The following WDR70 variants were observed in gnomAD, a reference collection of about 807,000 sequenced individuals.
WDR70 encodes WD repeat-containing protein 70.
In WDR70, 53 loss-of-function variants were observed where a neutral mutation model predicts 88.6. The ratio of observed to expected loss-of-function variants is 0.60; its 90% CI spans 0.48 to 0.75. The LOEUF is 0.75. Ranked by LOEUF, WDR70 falls within the 30% of genes least tolerant of loss-of-function variation. The probability of loss-of-function intolerance (pLI) is 0.00; values close to 1 mark genes in which losing one functional copy is unlikely to be tolerated. For missense variants in WDR70, 610 were observed against 823.2 expected, an observed-to-expected ratio of 0.74 and a Z score of 3.17; for synonymous variants, 280 against 270.0, an observed-to-expected ratio of 1.04 and a Z score of -0.36.
intron 17 of WDR70, among the ~76,000 whole-genome samples, chr5:37,750,808 A>G (rs1471596998): frequency 6.6e-6 from 1 of 152,204 alleles, no homozygotes; most frequent in Non-Finnish European, 1.5e-5. Context: ...CTGTGAGTCC[A>G]TTAGACCTCT....
chr5:37,610,958 C>G (rs1470479204), intron 10 of WDR70, among the ~76,000 whole-genome samples: 1 of 152,098 alleles, frequency 6.6e-6, no homozygotes, highest in Admixed American at 6.5e-5. Flanking sequence ...TGAATCTTCT[C>G]TTTTAGAATC....
chr5:37,502,701 C>T (rs1358045612), intron 8 of WDR70, among the ~76,000 whole-genome samples: 2 of 152,164 alleles, frequency 1.3e-5, no homozygotes, highest in Admixed American at 6.5e-5. Flanking sequence ...GCATGCTGTA[C>T]AGGAAGCATG....
intron 10 of WDR70, among the ~76,000 whole-genome samples, chr5:37,606,826 C>A (rs371190961): frequency 3.4e-5 from 5 of 146,842 alleles, no homozygotes; most frequent in African/African-American, 1.3e-4. Context: ...AAAAGAAAAA[C>A]TTGCCAGCAG....
chr5:37,386,597 C>A (rs900014287), intron 3 of WDR70, among the ~76,000 whole-genome samples: 1 of 151,894 alleles, frequency 6.6e-6, no homozygotes, highest in Admixed American at 6.6e-5. Flanking sequence ...CAAAGTGAAG[C>A]TTTTTATTTT....
intron 10 of WDR70, among the ~76,000 whole-genome samples, chr5:37,684,593 C>T (rs945034076): frequency 6.6e-6 from 1 of 152,220 alleles, no homozygotes; most frequent in African/African-American, 2.4e-5. Context: ...GACTCCCGGA[C>T]TGCATGCTCT....
intron 9 of WDR70, among the ~76,000 whole-genome samples, chr5:37,548,159 A>G (rs1041228192): frequency 2.6e-5 from 4 of 152,168 alleles, no homozygotes; most frequent in African/African-American, 9.7e-5. Flanking sequence ...TTGGGTATGT[A>G]CCCAGCAGTG....
intron 5 of WDR70, among the ~76,000 whole-genome samples, chr5:37,397,710 C>T (rs1749061550): frequency 6.6e-6 from 1 of 151,988 alleles, no homozygotes; most frequent in Admixed American, 6.6e-5. Context: ...AGAGTAATTG[C>T]CCGGCAGGGC....
At chr5:37,617,160 A>G (rs955551316) in intron 10 of WDR70, among the ~76,000 whole-genome samples, 13 of 152,216 alleles carry the variant, frequency 8.5e-5, no homozygotes, top group African/African-American at 2.7e-4. Context: ...CATTAACTAC[A>G]TGTTTTAGAT....
intron 10 of WDR70, among the ~76,000 whole-genome samples, chr5:37,679,982 C>G (rs906338011): frequency 1.3e-5 from 2 of 152,240 alleles, no homozygotes; most frequent in African/African-American, 4.8e-5. Context: ...GCAGTTTGAT[C>G]TCACACTGCG....
intron 10 of WDR70, among the ~76,000 whole-genome samples, chr5:37,606,764 A>G (rs1744039716): frequency 6.6e-6 from 1 of 152,116 alleles, no homozygotes; most frequent in Non-Finnish European, 1.5e-5. Flanking sequence ...TATTTTATTC[A>G]TATTTTTACA....
chr5:37,403,126 T>G (rs936111048), intron 5 of WDR70, among the ~76,000 whole-genome samples: 1 of 151,856 alleles, frequency 6.6e-6, no homozygotes. Context: ...TTTTGTATTT[T>G]TAGTAGAGAT....
At chr5:37,723,388 G>A (rs1283304297) in intron 15 of WDR70, 1 of 157,600 alleles carries the variant, frequency 6.3e-6, no homozygotes, top group Non-Finnish European at 1.4e-5. Flanking sequence ...CTATGACCAT[G>A]TGCTAGACTG....
At chr5:37,501,711 A>T (rs1425327793) in intron 8 of WDR70, among the ~76,000 whole-genome samples, 1 of 151,846 alleles carries the variant, frequency 6.6e-6, no homozygotes, top group African/African-American at 2.4e-5. Flanking sequence ...TCTTTCTCCA[A>T]TTTATGTTTT....
intron 8 of WDR70, among the ~76,000 whole-genome samples, chr5:37,514,339 C>CATACATACATATATAT (rs1330415670): frequency 1.4e-4 from 4 of 28,728 alleles, no homozygotes; most frequent in African/African-American, 2.2e-4. Flanking sequence ...TTTAGAACTA[C>CATACATACATATATAT]ATATATATAT....
intron 9 of WDR70, among the ~76,000 whole-genome samples, chr5:37,545,907 G>A (rs1415428784): frequency 6.6e-6 from 1 of 152,020 alleles, no homozygotes; most frequent in African/African-American, 2.4e-5. Context: ...TCATTATTGT[G>A]TTTACTGGTG....
At chr5:37,703,959 T>C (rs954496132) in intron 13 of WDR70, among the ~76,000 whole-genome samples, 8 of 152,206 alleles carry the variant, frequency 5.3e-5, no homozygotes, top group African/African-American at 1.7e-4. Context: ...TTGAGACATA[T>C]TATGCACTTA....
At chr5:37,646,090 A>G (rs1221675541) in intron 10 of WDR70, among the ~76,000 whole-genome samples, 1 of 151,738 alleles carries the variant, frequency 6.6e-6, no homozygotes, top group Non-Finnish European at 1.5e-5. Context: ...CTCTGGTGAT[A>G]TGTTTTAATT....
At chr5:37,482,022 A>G (rs1429425554) in intron 8 of WDR70, among the ~76,000 whole-genome samples, 9 of 152,018 alleles carry the variant, frequency 5.9e-5, no homozygotes, top group Admixed American at 3.9e-4. Context: ...ACTTTACTCC[A>G]TTTCCCAACA....
At chr5:37,407,633 A>G (rs1749393109) in intron 5 of WDR70, among the ~76,000 whole-genome samples, 1 of 152,098 alleles carries the variant, frequency 6.6e-6, no homozygotes, top group Admixed American at 6.6e-5. Flanking sequence ...TACTTTAGCT[A>G]TTAAGTGAGA....
Sources: gnomAD v4.1 joint callset for allele counts (sites outside exome capture counted in the v4.1 genomes callset) on GRCh38, gnomAD v4.1.1 for gene constraint, MANE v1.5 for transcripts, NCBI Gene and HGNC (gene_info 2026-07-23, HGNC 2026-07-21) for gene names.